The following TEAD4 variants were observed in gnomAD, a reference collection of about 807,000 sequenced individuals.
TEAD4 encodes TEA domain transcription factor 4.
A neutral mutation model predicts 52.4 loss-of-function variants in TEAD4; 36 were observed. The observed-to-expected ratio is 0.69, with a 90% confidence interval of 0.53 to 0.91. The LOEUF is 0.91. Among genes scored for constraint, TEAD4 ranks in the 40% least tolerant of loss-of-function variants. The pLI is 0.00. For synonymous variants in TEAD4, 220 were observed against 231.0 expected (o/e 0.95, Z 0.43); for missense variants, 508 against 583.9 (o/e 0.87, Z 1.34).
At chr12:3,037,840 A>G (rs1405897034) in intron 10 of TEAD4, 128 bp from the exon 11 acceptor site, 6 of 1,149,016 alleles carry the variant, frequency 5.2e-6, no homozygotes, top group Non-Finnish European at 7.2e-6. Context: ...CTGGCGTCCT[A>G]CTGTCTACCC....
At chr12:2,983,518 CAAAATGAGGCCCAGA>C (rs1395347235) in intron 2 of TEAD4, among the ~76,000 whole-genome samples, 8 of 152,138 alleles carry the variant, frequency 5.3e-5, no homozygotes, top group African/African-American at 1.4e-4. Context: ...TACAGATAAG[CAAAATGAGGCCCAGA>C]AAAATGAGAG....
chr12:3,040,233 G>T lies in TEAD4; in HGVS notation c.1165G>T (p.Val389Leu). The change falls in exon 12 of 13, where the codon GTG becomes TTG. Residue 389 changes from valine to leucine, a missense_variant. By Grantham distance (32) the Val-to-Leu change is conservative. Coordinates refer to ENST00000359864, the MANE Select transcript of TEAD4 (RefSeq NM_003213.4). Reference sequence around the variant, plus strand: ...CCCTGAGAAGTACATGATGAACAGCGTGCTGGAGAACTTCACCATCCTGCA... The same window carrying T: ...CCCTGAGAAGTACATGATGAACAGCTTGCTGGAGAACTTCACCATCCTGCA... 6.2e-7 allele frequency: 1 copy of T among 1,614,232 alleles called. No homozygotes were observed. The highest frequency in any genetic ancestry group is 8.5e-7 in the Non-Finnish European group (1 of 1,180,046).
At chr12:2,982,734 C>T (rs1301111234) in intron 2 of TEAD4, among the ~76,000 whole-genome samples, 3 of 152,212 alleles carry the variant, frequency 2.0e-5, no homozygotes, top group Non-Finnish European at 2.9e-5. Flanking sequence ...CCCTGTGGCC[C>T]AGGGCCTTGG....
At chr12:3,040,293 CTG>C (rs1171220107) in intron 12 of TEAD4, 34 bp downstream of exon 12, 16 of 1,613,996 alleles carry the variant, frequency 9.9e-6, no homozygotes, top group East Asian at 2.2e-5. Context: ...TGGCTGGAGT[CTG>C]TGTGTGGGTA....
At chr12:3,005,819 A>C (rs1027270566) in intron 3 of TEAD4, among the ~76,000 whole-genome samples, 2 of 151,754 alleles carry the variant, frequency 1.3e-5, no homozygotes, top group Non-Finnish European at 2.9e-5. Flanking sequence ...TTTTTTGTAG[A>C]GATGGAGTGG....
chr12:3,012,631 C>T (rs140883964), intron 5 of TEAD4, among the ~76,000 whole-genome samples: 336 of 152,266 alleles, frequency 2.2e-3, no homozygotes, highest in African/African-American at 7.2e-3. Flanking sequence ...GTTTATGGTA[C>T]TGTGGGAGCT....
At chr12:2,993,299 A>C (rs1241217311) in intron 2 of TEAD4, among the ~76,000 whole-genome samples, 1 of 151,858 alleles carries the variant, frequency 6.6e-6, no homozygotes, top group Non-Finnish European at 1.5e-5. Flanking sequence ...CCACCATTCT[A>C]CTCTGTTTCT....
intron 3 of TEAD4, among the ~76,000 whole-genome samples, chr12:2,995,350 C>T (rs1284297361): frequency 6.6e-6 from 1 of 152,108 alleles, no homozygotes; most frequent in Non-Finnish European, 1.5e-5. Flanking sequence ...AGGATGCTCA[C>T]TCATCCCCTC....
chr12:3,029,547 A>T (rs1394918078), intron 10 of TEAD4, among the ~76,000 whole-genome samples: 1 of 151,772 alleles, frequency 6.6e-6, no homozygotes, highest in African/African-American at 2.4e-5. Context: ...CCAAGTTTTT[A>T]TTTTTATTTA....
At chr12:2,982,228 A>G (rs1368480540) in intron 2 of TEAD4, among the ~76,000 whole-genome samples, 1 of 152,184 alleles carries the variant, frequency 6.6e-6, no homozygotes, top group Non-Finnish European at 1.5e-5. Context: ...GGAGATCTTA[A>G]TAAAAGCCCA....
intron 2 of TEAD4, among the ~76,000 whole-genome samples, chr12:2,972,491 C>CTTTTTTTTTTT (rs751852771): frequency 5.7e-5 from 2 of 34,792 alleles, no homozygotes; most frequent in African/African-American, 2.4e-4. Context: ...CAGCATGTCT[C>CTTTTTTTTTTT]TTTTTTTTTT....
At chr12:3,017,590 G>A in intron 6 of TEAD4, 64 bp downstream of exon 6, 7 of 1,529,676 alleles carry the variant, frequency 4.6e-6, no homozygotes, top group East Asian at 2.4e-5. Context: ...TCCCTGTTCA[G>A]AAGAGCCAGA....
chr12:2,960,472 C>A, intron 2 of TEAD4: 1 of 582,680 alleles, frequency 1.7e-6, no homozygotes, highest in Non-Finnish European at 2.2e-6. Flanking sequence ...ACTAGTGGAT[C>A]GATCCAGGGA....
intron 5 of TEAD4, among the ~76,000 whole-genome samples, chr12:3,013,666 G>A (rs193105129): frequency 2.3e-4 from 35 of 152,260 alleles, no homozygotes; most frequent in Non-Finnish European, 2.2e-4. Flanking sequence ...CCTGGGAAGT[G>A]GAGGTTGCAG....
chr12:2,994,201 G>T lies in TEAD4; in HGVS notation c.-29-537G>T, dbSNP rs2098245358. Among the ~76,000 whole-genome samples the T allele has an allele frequency of 6.6e-6, 1 of 151,940 alleles. No individual in the cohort carries two copies. Among genetic ancestry groups the T allele is most frequent in the Admixed American group, 6.6e-5 (1 of 15,258 alleles). ...GCGATTCTCCTTGTCTGAGCCTCCC[G>T]AGTAGCTGTGATTACAGGTGCCCGC... On this transcript the variant is annotated intron_variant, in intron 2 of 12. Coordinates refer to ENST00000359864, the MANE Select transcript of TEAD4 (RefSeq NM_003213.4). The surrounding 1 kb of genome is among the most constrained non-coding windows in gnomAD (Gnocchi z 4.7).
intron 5 of TEAD4, among the ~76,000 whole-genome samples, chr12:3,014,910 C>T (rs957269962): frequency 1.4e-4 from 21 of 152,206 alleles, no homozygotes; most frequent in Non-Finnish European, 2.5e-4. Flanking sequence ...CCGAGGTCTT[C>T]GGGCTCGCAA....
intron 2 of TEAD4, among the ~76,000 whole-genome samples, chr12:2,985,651 G>A (rs995649774): frequency 1.3e-5 from 2 of 151,184 alleles, no homozygotes; most frequent in African/African-American, 2.4e-5. Flanking sequence ...GATTATAGGT[G>A]CGCACCATCA....
At chr12:2,972,703 G>A (rs1225113002) in intron 2 of TEAD4, among the ~76,000 whole-genome samples, 2 of 151,870 alleles carry the variant, frequency 1.3e-5, no homozygotes, top group Non-Finnish European at 2.9e-5. Flanking sequence ...GTTTCTCCAT[G>A]TTGGTCAGGT....
At chr12:3,037,240 G>A (rs566711176) in intron 10 of TEAD4, among the ~76,000 whole-genome samples, 2 of 152,308 alleles carry the variant, frequency 1.3e-5, no homozygotes, top group East Asian at 3.9e-4. Context: ...ATGGCTCAAT[G>A]AGACGGTGAA....
Sources: gnomAD v4.1 joint callset for allele counts (sites outside exome capture counted in the v4.1 genomes callset) on GRCh38, gnomAD v4.1.1 for gene constraint, Gnocchi (gnomAD v3.1) non-coding constraint, MANE v1.5 for transcripts, NCBI Gene and HGNC (gene_info 2026-07-23, HGNC 2026-07-21) for gene names.